The following PCSK1 variants were observed in gnomAD, a reference collection of about 807,000 sequenced individuals.
The protein encoded by PCSK1 is proprotein convertase subtilisin/kexin type 1.
Under a neutral mutation model 90.6 loss-of-function variants are expected in PCSK1, and 56 were observed. The observed-to-expected ratio is 0.62, with a 90% CI of 0.50 to 0.77. PCSK1 has a LOEUF of 0.77. Among genes scored for constraint, PCSK1 ranks in the 30% least tolerant of loss-of-function variants. PCSK1 has a pLI of 0.00. For synonymous variants in PCSK1, 348 were observed against 342.4 expected, an observed-to-expected ratio of 1.02 and a Z score of -0.18; for missense variants, 801 against 932.6, an observed-to-expected ratio of 0.86 and a Z score of 1.84.
At chr5:96,412,839 T>A (rs1580757090) in intron 6 of PCSK1, 2 of 515,058 alleles carry the variant, frequency 3.9e-6, no homozygotes, top group Non-Finnish European at 5.2e-6. Context: ...TGGAGCAGCA[T>A]CCTTGGATGA....
At chr5:96,399,582 C>T (rs959889425) in intron 10 of PCSK1, among the ~76,000 whole-genome samples, 1 of 151,976 alleles carries the variant, frequency 6.6e-6, no homozygotes, top group Non-Finnish European at 1.5e-5. Context: ...TTGGGTAAAA[C>T]TGGTTGGCAA....
intron 8 of PCSK1, among the ~76,000 whole-genome samples, chr5:96,409,042 G>C (rs1760664886): frequency 6.6e-6 from 1 of 152,188 alleles, no homozygotes; most frequent in Non-Finnish European, 1.5e-5. Context: ...TCATATGCGA[G>C]ACTTACCCGA....
In PCSK1 at chr5:96,394,396, A is replaced by G. The variant is rs188512513; in HGVS notation, c.1884+468T>C. 5.3e-5 allele frequency among the ~76,000 whole-genome samples: 8 copies of G among 152,304 alleles called. No individual in the cohort carries two copies. In the East Asian group the frequency reaches 1.5e-3, roughly 29 times the overall value. On this transcript the variant is annotated intron_variant, in intron 13 of 13. Coordinates refer to ENST00000311106, the MANE Select transcript of PCSK1 (RefSeq NM_000439.5). ...TGGTGTTGCCAAGAAGTGTCAGTTAATGAATTAATAAAAAGAAGCCTACAT... is the reference window on the plus strand; with the variant it reads ...TGGTGTTGCCAAGAAGTGTCAGTTAGTGAATTAATAAAAAGAAGCCTACAT...
intron 9 of PCSK1, among the ~76,000 whole-genome samples, chr5:96,401,907 C>G (rs1389690586): frequency 6.6e-6 from 1 of 152,116 alleles, no homozygotes; most frequent in Non-Finnish European, 1.5e-5. Flanking sequence ...CTAACTAGCC[C>G]CAAATATAAT....
rs1580739785 is a variant in PCSK1 at position 96,391,017 on chromosome 5, T to C, written c.*1984A>G. ...AAAAGTAATGAGTTTTCATTCTAAC[T>C]CTTTATTGGCCTTTCCGGGCCAATC... On this transcript the variant is annotated 3_prime_UTR_variant, in exon 14 of 14. Transcript: ENST00000311106. 1 of 152,614 alleles carries C rather than the reference T, an allele frequency of 6.6e-6. No individual in the cohort carries two copies. Among genetic ancestry groups the C allele is most frequent in the Admixed American group, 6.5e-5 (1 of 15,282 alleles). 9.5% of individuals were successfully genotyped at this position (152,614 alleles called of 1,614,324 possible).
intron 5 of PCSK1, among the ~76,000 whole-genome samples, chr5:96,421,225 GC>G (rs1251879615): frequency 5.0e-4 from 76 of 152,298 alleles, no homozygotes; most frequent in African/African-American, 1.8e-3. Context: ...GTGGCTCTTG[GC>G]CTCTCTCACC....
chr5:96,422,938 T>G (rs1441426140), intron 4 of PCSK1, among the ~76,000 whole-genome samples: 1 of 144,986 alleles, frequency 6.9e-6, no homozygotes, highest in African/African-American at 2.9e-5. Flanking sequence ...GGATATAGAC[T>G]CATAAAAGAG....
intron 1 of PCSK1, 84 bp from the exon 2 acceptor site, chr5:96,429,401 A>G: frequency 1.3e-6 from 1 of 751,466 alleles, no homozygotes. Context: ...TAACTTAGAG[A>G]TAGGCAACTT....
chr5:96,424,033 G>C (rs1410192999), intron 3 of PCSK1, among the ~76,000 whole-genome samples: 1 of 152,172 alleles, frequency 6.6e-6, no homozygotes, highest in Non-Finnish European at 1.5e-5. Context: ...AGGAGATTCA[G>C]GGTTTTCCTT....
At chr5:96,415,760 A>G (rs185496009) in intron 6 of PCSK1, among the ~76,000 whole-genome samples, 4 of 152,166 alleles carry the variant, frequency 2.6e-5, no homozygotes, top group Admixed American at 2.6e-4. Context: ...AAATCAGAAC[A>G]TAGAGAAAAT....
Position 96,392,947 on chromosome 5 carries a change from T to C in PCSK1, c.*54A>G. The C allele has an allele frequency of 1.3e-6, 2 of 1,589,582 alleles. No individual in the cohort carries two copies. Among genetic ancestry groups the C allele is most frequent in the Non-Finnish European group, 1.7e-6 (2 of 1,158,658 alleles). On this transcript the variant is annotated 3_prime_UTR_variant, in exon 14 of 14. Transcript: ENST00000311106. Reference sequence around the variant, plus strand: ...ACAACCACTTCAGACACAGGCAAAATCGCAGGGTAAGGAAGAAGCATGAAT... The same window carrying C: ...ACAACCACTTCAGACACAGGCAAAACCGCAGGGTAAGGAAGAAGCATGAAT...
intron 9 of PCSK1, among the ~76,000 whole-genome samples, chr5:96,404,884 A>T (rs1021295565): frequency 7.5e-5 from 11 of 146,134 alleles, no homozygotes; most frequent in Non-Finnish European, 1.6e-4. Context: ...ATTGTATATA[A>T]AGAGGCCAGC....
chr5:96,425,343 C>T (rs1048255957), intron 3 of PCSK1, among the ~76,000 whole-genome samples: 6 of 152,178 alleles, frequency 3.9e-5, no homozygotes, highest in African/African-American at 1.4e-4. Context: ...TAGACATTTG[C>T]AATAGACTTT....
chr5:96,393,239 A>G lies in PCSK1; in HGVS notation c.2024T>C (p.Phe675Ser). ...QAMLRLLQSA[F>S]SKNSPPKQSP... ...TTGCTTTGGCGGTGAGTTTTTACTG[A>G]AAGCACTTTGCAGGAGTCGCAGCAT... Residue 675 changes from phenylalanine (F) to serine (S), a missense_variant, in exon 14 of 14, where the codon TTC becomes TCC. Coordinates refer to ENST00000311106, the MANE Select transcript of PCSK1 (RefSeq NM_000439.5). The G allele has an allele frequency of 3.1e-6, 5 of 1,613,958 alleles. No individual in the cohort carries two copies. Among genetic ancestry groups the G allele is most frequent in the Non-Finnish European group, 4.2e-6 (5 of 1,179,972 alleles).
At chr5:96,423,781 C>T (rs1761198505) in intron 3 of PCSK1, among the ~76,000 whole-genome samples, 1 of 152,210 alleles carries the variant, frequency 6.6e-6, no homozygotes, top group African/African-American at 2.4e-5. Context: ...TCAACCCTTT[C>T]ATCTATGGAA....
chr5:96,418,120 T>C (rs1257841374), intron 5 of PCSK1, among the ~76,000 whole-genome samples: 1 of 152,200 alleles, frequency 6.6e-6, no homozygotes, highest in East Asian at 1.9e-4. Flanking sequence ...TATTCTCTAG[T>C]GAGAGCTGCA....
At chr5:96,398,577 G>A (rs894655102) in intron 11 of PCSK1, among the ~76,000 whole-genome samples, 19 of 152,126 alleles carry the variant, frequency 1.2e-4, no homozygotes, top group African/African-American at 4.3e-4. Flanking sequence ...TGCTATCTAA[G>A]AGAAAAGTGA....
intron 8 of PCSK1, 118 bp downstream of exon 8, chr5:96,410,656 C>T: frequency 1.2e-6 from 1 of 869,032 alleles, no homozygotes; most frequent in Non-Finnish European, 2.0e-6. Flanking sequence ...TGAGTTCTCC[C>T]AACTGAGACA....
intron 7 of PCSK1, 152 bp downstream of exon 7, chr5:96,412,166 T>C (rs1385968823): frequency 2.7e-6 from 2 of 750,656 alleles, no homozygotes; most frequent in Non-Finnish European, 4.6e-6. Context: ...CTCTGAAGAA[T>C]GATTTGGCCC....
Sources: allele counts gnomAD v4.1 joint callset (sites outside exome capture counted in the v4.1 genomes callset), GRCh38; gene constraint gnomAD v4.1.1; transcripts MANE v1.5; gene names NCBI Gene and HGNC (gene_info 2026-07-23, HGNC 2026-07-21).